Variants in ARHGAP28 observed in about 807,000 individuals in gnomAD.
ARHGAP28 encodes Rho GTPase activating protein 28.
A neutral mutation model predicts 90.7 loss-of-function variants in ARHGAP28; 56 were observed. That is an observed-to-expected ratio of 0.62 (90% CI 0.50 to 0.77). ARHGAP28 has a LOEUF of 0.77. Among genes scored for constraint, ARHGAP28 ranks in the 30% least tolerant of loss-of-function variants. The probability of loss-of-function intolerance (pLI) is 0.00; values close to 1 mark genes in which losing one functional copy is unlikely to be tolerated. For synonymous variants in ARHGAP28, 308 were observed against 323.3 expected (o/e 0.95, Z 0.51); for missense variants, 869 against 900.9 (o/e 0.96, Z 0.45).
chr18:6,825,519 A>G (rs1181299078), intron 2 of ARHGAP28, among the ~76,000 whole-genome samples: 2 of 152,178 alleles, frequency 1.3e-5, no homozygotes, highest in African/African-American at 4.8e-5. Context: ...TACAAGGGGT[A>G]CATGTGCAGG....
At chr18:6,887,455 G>T (rs1461972028) in intron 12 of ARHGAP28, among the ~76,000 whole-genome samples, 18 of 139,210 alleles carry the variant, frequency 1.3e-4, no homozygotes, top group Admixed American at 7.5e-4. Flanking sequence ...TTGAGAGACA[G>T]AGTTTTGCTT....
intron 1 of ARHGAP28, among the ~76,000 whole-genome samples, chr18:6,743,570 G>C (rs1600144775): frequency 6.6e-6 from 1 of 152,090 alleles, no homozygotes; most frequent in African/African-American, 2.4e-5. Context: ...TTATTCATAG[G>C]ATAGTATATA....
chr18:6,746,407 T>G (rs34146208), intron 1 of ARHGAP28, among the ~76,000 whole-genome samples: 72,025 of 151,998 alleles, frequency 0.47, 17,234 homozygotes, highest in East Asian at 0.55. Context: ...GGGTTGATTG[T>G]GTTCTGATAA....
At chr18:6,814,180 T>C (rs1020883554) in intron 1 of ARHGAP28, among the ~76,000 whole-genome samples, 1 of 152,144 alleles carries the variant, frequency 6.6e-6, no homozygotes, top group Non-Finnish European at 1.5e-5. Flanking sequence ...TTTAATAAGT[T>C]TGTACTTGTG....
chr18:6,798,999 T>C (rs2056462643), intron 1 of ARHGAP28, among the ~76,000 whole-genome samples: 1 of 152,332 alleles, frequency 6.6e-6, no homozygotes, highest in East Asian at 1.9e-4. Context: ...ATAATTGAGA[T>C]GAATCATGTC....
intron 16 of ARHGAP28, chr18:6,898,441 TGCACTG>T (rs2057319845): frequency 6.4e-7 from 1 of 1,555,602 alleles, no homozygotes. Context: ...CCAAGAATAC[TGCACTG>T]GCAGCGAGCT....
chr18:6,845,578 C>T (rs539165442), intron 3 of ARHGAP28, among the ~76,000 whole-genome samples: 3 of 152,244 alleles, frequency 2.0e-5, no homozygotes, highest in East Asian at 1.9e-4. Flanking sequence ...CTCCCTCCCC[C>T]GATCCTGGAC....
At chr18:6,730,359 T>A (rs1398581222) in intron 1 of ARHGAP28, among the ~76,000 whole-genome samples, 1 of 152,042 alleles carries the variant, frequency 6.6e-6, no homozygotes, top group African/African-American at 2.4e-5. Context: ...AGAATACTCC[T>A]TTTGAGAGCT....
chr18:6,817,703 G>C (rs112182039), intron 1 of ARHGAP28, among the ~76,000 whole-genome samples: 4,750 of 152,250 alleles, frequency 0.031, 245 homozygotes, highest in African/African-American at 0.11. Flanking sequence ...CAAGGTGGCT[G>C]CTGCAGCACC....
intron 1 of ARHGAP28, among the ~76,000 whole-genome samples, chr18:6,773,177 ATGTT>A (rs2056257393): frequency 6.6e-6 from 1 of 152,204 alleles, no homozygotes; most frequent in Non-Finnish European, 1.5e-5. Flanking sequence ...TATTTATTGT[ATGTT>A]AATGTATGCC....
At chr18:6,778,365 C>T (rs1169803129) in intron 1 of ARHGAP28, among the ~76,000 whole-genome samples, 1 of 152,148 alleles carries the variant, frequency 6.6e-6, no homozygotes, top group Non-Finnish European at 1.5e-5. Context: ...TTTCTTCATT[C>T]TCTTGTGGTG....
At chr18:6,742,169 C>CTT (rs554288921) in intron 1 of ARHGAP28, among the ~76,000 whole-genome samples, 33,603 of 138,470 alleles carry the variant, frequency 0.24, 4,892 homozygotes, top group Non-Finnish European at 0.31. Context: ...TTTTCTTTTT[C>CTT]TTTTTTTTTT....
intron 1 of ARHGAP28, among the ~76,000 whole-genome samples, chr18:6,753,081 G>A (rs1365903061): frequency 6.6e-6 from 1 of 152,030 alleles, no homozygotes; most frequent in South Asian, 2.1e-4. Flanking sequence ...GAGTGATTCT[G>A]GGTCTAGACT....
rs374482561 is a variant in ARHGAP28 at position 6,730,219 on chromosome 18, G to GTATATATACATATATATATATATATATA, written c.122+277_122+278insATATATACATATATATATATATATATAT. ...TTGATACGATTTGAGGATAAGTCAT[G>GTATATATACATATATATATATATATATA]TGTATATATATATATATACCTCATT... On this transcript the variant is annotated intron_variant, in intron 1 of 17. Transcript: ENST00000383472. 2.9e-3 allele frequency: 465 copies of GTATATATACATATATATATATATATATA among 158,718 alleles called. 18 individuals are homozygous for GTATATATACATATATATATATATATATA. The Admixed American group carries it at 0.034, about 12-fold the overall frequency. 9.8% of individuals were successfully genotyped at this position (158,718 alleles called of 1,614,324 possible). A position where few individuals can be genotyped will look rare whatever the true frequency, so the allele number is the denominator to read the frequency against.
intron 1 of ARHGAP28, among the ~76,000 whole-genome samples, chr18:6,797,364 C>T (rs576327488): frequency 1.3e-5 from 2 of 152,250 alleles, no homozygotes; most frequent in South Asian, 4.1e-4. Context: ...TTCTGGAGGC[C>T]GCGTAGTCTG....
At chr18:6,767,053 C>T (rs2056205246) in intron 1 of ARHGAP28, among the ~76,000 whole-genome samples, 1 of 152,052 alleles carries the variant, frequency 6.6e-6, no homozygotes, top group African/African-American at 2.4e-5. Context: ...TCATTTCCGG[C>T]CCTCGTTTAT....
chr18:6,753,227 C>CT (rs201799649), intron 1 of ARHGAP28, among the ~76,000 whole-genome samples: 64 of 152,144 alleles, frequency 4.2e-4, no homozygotes, highest in African/African-American at 1.5e-3. Flanking sequence ...ATAATGTCTG[C>CT]TTATTTTCAG....
intron 1 of ARHGAP28, among the ~76,000 whole-genome samples, chr18:6,792,338 A>C (rs1296276902): frequency 6.6e-6 from 1 of 152,196 alleles, no homozygotes; most frequent in Non-Finnish European, 1.5e-5. Flanking sequence ...TTTTTTCAAT[A>C]AATGTTTAAT....
intron 1 of ARHGAP28, among the ~76,000 whole-genome samples, chr18:6,816,916 C>T (rs2056594800): frequency 6.6e-6 from 1 of 151,736 alleles, no homozygotes. Context: ...AACAAGACCT[C>T]ATCTGTACTA....
Sources: allele counts gnomAD v4.1 joint callset (sites outside exome capture counted in the v4.1 genomes callset), GRCh38; gene constraint gnomAD v4.1.1; transcripts MANE v1.5; gene names NCBI Gene and HGNC (gene_info 2026-07-23, HGNC 2026-07-21).